The following IL13RA1 variants were observed in gnomAD, a reference collection of about 807,000 sequenced individuals.
IL13RA1 encodes interleukin-13 receptor subunit alpha-1.
In IL13RA1, 14 loss-of-function variants were observed where a neutral mutation model predicts 33.8. That is an observed-to-expected ratio of 0.41 (90% CI 0.27 to 0.65). The LOEUF (loss-of-function observed/expected upper bound fraction) is 0.65, where lower values mean the gene tolerates loss of function less well. Among genes scored for constraint, IL13RA1 ranks in the 30% least tolerant of loss-of-function variants. The pLI, the probability that IL13RA1 is intolerant of heterozygous loss-of-function variation, is 0.28. For synonymous variants in IL13RA1, 116 were observed against 115.7 expected (o/e 1.00, Z -0.02); for missense variants, 313 against 327.0 (o/e 0.96, Z 0.33).
rs1191593149 is a variant in IL13RA1 at position 118,793,126 on chromosome X, T to C, written c.*1272T>C. The stretch of plus-strand genomic sequence containing the variant: ...CCCTCCTTCCCTTCCTTGTAGCCTT[T>C]TGACTTTCATTGGAAATTAGGATGT... On this transcript the variant is annotated 3_prime_UTR_variant, in exon 11 of 11. Transcript: ENST00000371666. 1 of 111,957 alleles carries C rather than the reference T, an allele frequency of 8.9e-6. No homozygotes were observed. The highest frequency in any genetic ancestry group is 2.8e-4 in the East Asian group (1 of 3,559). 9.2% of individuals were successfully genotyped at this position (111,957 alleles called of 1,213,427 possible).
chrX:118,757,852 G>A (rs2017549939), intron 4 of IL13RA1, among the ~76,000 whole-genome samples: 2 of 107,491 alleles, frequency 1.9e-5, no homozygotes, highest in Admixed American at 1.0e-4. Context: ...CACCACACCC[G>A]GCTAATTTTT....
intron 1 of IL13RA1, among the ~76,000 whole-genome samples, chrX:118,728,919 A>G (rs780044738): frequency 3.6e-5 from 4 of 111,700 alleles, no homozygotes; most frequent in Admixed American, 9.5e-5. Context: ...CGAGAAGAAA[A>G]CAAATGTTGC....
At chrX:118,770,324 G>A (rs952687914) in intron 8 of IL13RA1, 5 of 352,821 alleles carry the variant, frequency 1.4e-5, no homozygotes, top group African/African-American at 1.0e-4. Flanking sequence ...CTGGCCCGGC[G>A]AGCCCTACGT....
intron 10 of IL13RA1, among the ~76,000 whole-genome samples, chrX:118,777,591 T>A (rs1008072949): frequency 9.0e-6 from 1 of 111,569 alleles, no homozygotes; most frequent in African/African-American, 3.3e-5. Flanking sequence ...TGGGGAAATA[T>A]AAACATAGGG....
intron 8 of IL13RA1, 43 bp from the exon 9 acceptor site, chrX:118,773,836 G>C: frequency 3.1e-6 from 2 of 643,504 alleles, no homozygotes; most frequent in Non-Finnish European, 5.2e-6. Flanking sequence ...TTACTAAAAG[G>C]GTTTTATTTC....
chrX:118,734,032 G>A (rs959367011), intron 1 of IL13RA1, among the ~76,000 whole-genome samples: 3 of 111,780 alleles, frequency 2.7e-5, no homozygotes, highest in Non-Finnish European at 5.6e-5. Flanking sequence ...AGTAAGTTCA[G>A]AAATCAGGAA....
chrX:118,773,524 G>T (rs2017748301), intron 8 of IL13RA1, among the ~76,000 whole-genome samples: 1 of 111,655 alleles, frequency 9.0e-6, no homozygotes, highest in South Asian at 3.7e-4. Flanking sequence ...GTTTAAATGA[G>T]ACCATCAAAT....
intron 5 of IL13RA1, chrX:118,758,935 A>G (rs941109057): frequency 1.8e-5 from 2 of 111,881 alleles, no homozygotes; most frequent in Admixed American, 1.9e-4. Flanking sequence ...TAAACATTCA[A>G]ATCATAGCAG....
chrX:118,746,375 A>C (rs2017404752), intron 2 of IL13RA1, among the ~76,000 whole-genome samples: 1 of 111,282 alleles, frequency 9.0e-6, no homozygotes, highest in Non-Finnish European at 1.9e-5. Context: ...TCAGCCTCCC[A>C]AAGTGCTGGG....
At chrX:118,749,809 C>T in intron 4 of IL13RA1, 31 bp downstream of exon 4, 1 of 1,038,673 alleles carries the variant, frequency 9.6e-7, no homozygotes, top group Non-Finnish European at 1.3e-6. Flanking sequence ...TACTGGAAGA[C>T]TGATTGTAAT....
Position 118,766,898 on chromosome X carries a change from A to G in IL13RA1, c.931A>G (p.Arg311Gly). ...TCTTCCTGATACTTTGAACACAGTCAGAATAAGAGTCAAAACAAATAAGTT... is the reference window on the plus strand; with the variant it reads ...TCTTCCTGATACTTTGAACACAGTCGGAATAAGAGTCAAAACAAATAAGTT... ...GVLPDTLNTVRIRVKTNKLCY... is the reference protein window; with the variant it reads ...GVLPDTLNTVGIRVKTNKLCY... The change falls in exon 8 of 11, where the codon AGA becomes GGA. Residue 311 changes from arginine to glycine, a missense_variant. Physicochemically the swap from Arg to Gly is moderately radical, Grantham distance 125. Transcript: ENST00000371666. 1 of 1,078,918 alleles carries G rather than the reference A, an allele frequency of 9.3e-7. No homozygotes were observed. The highest frequency in any genetic ancestry group is 1.3e-6 in the Non-Finnish European group (1 of 777,637). 88.9% of individuals were successfully genotyped at this position (1,078,918 alleles called of 1,213,427 possible).
intron 3 of IL13RA1, among the ~76,000 whole-genome samples, chrX:118,748,361 G>GGAAA (rs1556363018): frequency 7.8e-5 from 4 of 51,009 alleles, no homozygotes; most frequent in African/African-American, 7.4e-5. Flanking sequence ...AGGAGTTAAC[G>GGAAA]AAAAAAAAAA....
the IL13RA1 span, among the ~76,000 whole-genome samples, chrX:118,800,760 A>C: frequency 1.8e-5 from 2 of 110,970 alleles, no homozygotes; most frequent in African/African-American, 6.6e-5. Context: ...ACATACCACC[A>C]TGCCCAGCTA....
At chrX:118,746,438 C>A (rs746145479) in intron 2 of IL13RA1, among the ~76,000 whole-genome samples, 1 of 112,098 alleles carries the variant, frequency 8.9e-6, no homozygotes, top group Non-Finnish European at 1.9e-5. Flanking sequence ...CTTAAAGCAT[C>A]CCTTTTTAAC....
chrX:118,745,755 T>C (rs771126773), intron 2 of IL13RA1, among the ~76,000 whole-genome samples: 3 of 111,917 alleles, frequency 2.7e-5, no homozygotes, highest in Non-Finnish European at 5.6e-5. Flanking sequence ...TCAGAAGCTA[T>C]TGCAAAACAG....
downstream of IL13RA1, among the ~76,000 whole-genome samples, chrX:118,795,502 G>A (rs987586129): frequency 1.8e-5 from 2 of 111,993 alleles, no homozygotes; most frequent in Non-Finnish European, 3.8e-5. Flanking sequence ...CTGAAAATCC[G>A]TTTCTAGGTA....
intron 10 of IL13RA1, among the ~76,000 whole-genome samples, chrX:118,782,507 A>T (rs2017855642): frequency 8.9e-6 from 1 of 112,028 alleles, no homozygotes; most frequent in South Asian, 3.7e-4. Context: ...CCCTTTATTT[A>T]TCCATTAAGG....
At chrX:118,779,636 A>G (rs958371138) in intron 10 of IL13RA1, among the ~76,000 whole-genome samples, 1 of 111,740 alleles carries the variant, frequency 8.9e-6, no homozygotes, top group Non-Finnish European at 1.9e-5. Flanking sequence ...AGCATGTACT[A>G]CTTTTATAAT....
At chrX:118,765,261 C>CTT (rs36015859) in intron 6 of IL13RA1, among the ~76,000 whole-genome samples, 1,180 of 96,394 alleles carry the variant, frequency 0.012, 29 homozygotes, top group South Asian at 0.036. Flanking sequence ...TCAAGCCCAG[C>CTT]TTTTTTTTTT....
Sources: gnomAD v4.1 joint callset for allele counts (sites outside exome capture counted in the v4.1 genomes callset) on GRCh38, gnomAD v4.1.1 for gene constraint, MANE v1.5 for transcripts, NCBI Gene and HGNC (gene_info 2026-07-23, HGNC 2026-07-21) for gene names.